Variants in PRUNE2 observed in about 807,000 individuals in gnomAD.
PRUNE2 encodes the protein prune homolog 2 with BCH domain, also known as protein prune homolog 2.
In PRUNE2, 164 loss-of-function variants were observed where a neutral mutation model predicts 252.0. The observed-to-expected ratio is 0.65, with a 90% CI of 0.57 to 0.74. PRUNE2 has a LOEUF of 0.74. Ranked by LOEUF, PRUNE2 falls within the 30% of genes least tolerant of loss-of-function variation. The pLI is 0.00. For missense variants in PRUNE2, 3,495 were observed against 3,711.0 expected (o/e 0.94, Z 1.51); for synonymous variants, 1,292 against 1,350.2 (o/e 0.96, Z 0.94).
In PRUNE2 at chr9:76,706,200, G is replaced by C; in HGVS notation, c.6074C>G (p.Thr2025Ser). The change falls in exon 8 of 19, where the codon ACC becomes AGC. Residue 2025 changes from threonine to serine, a missense_variant. By Grantham distance (58) the Thr-to-Ser change is moderately conservative. Coordinates refer to ENST00000376718, the MANE Select transcript of PRUNE2 (RefSeq NM_015225.3). ...TENFPAVSSP[T>S]QLIMKPGSEW... Reference sequence around the variant, plus strand: ...AGAGCCTGGCTTCATTATCAGTTGGGTGGGAGAACTGACAGCAGGAAAATT... The same window carrying C: ...AGAGCCTGGCTTCATTATCAGTTGGCTGGGAGAACTGACAGCAGGAAAATT... 6.2e-7 allele frequency: 1 copy of C among 1,613,904 alleles called. No individual in the cohort carries two copies. The highest frequency in any genetic ancestry group is 1.3e-5 in the African/African-American group (1 of 75,048).
chr9:76,746,629 C>T lies in PRUNE2; in HGVS notation c.757-32908G>A, dbSNP rs569504161. Among the ~76,000 whole-genome samples the T allele has an allele frequency of 2.6e-4, 36 of 137,834 alleles. No homozygotes were observed. In the South Asian group the frequency reaches 6.9e-3, roughly 26 times the overall value. The allele number at this position is 137,834 out of a possible 152,430, so 90.4% of individuals were successfully genotyped here. A position where few individuals can be genotyped will look rare whatever the true frequency, so the allele number is the denominator to read the frequency against. On this transcript the variant is annotated intron_variant, in intron 6 of 18. Coordinates refer to ENST00000376718, the MANE Select transcript of PRUNE2 (RefSeq NM_015225.3). Reference sequence around the variant, plus strand: ...CTGAGGCAGGAGAATGGCGTGAACCCGGGAAGCGGAGCTTGCAGTGAGCCG... The same window carrying T: ...CTGAGGCAGGAGAATGGCGTGAACCTGGGAAGCGGAGCTTGCAGTGAGCCG...
chr9:76,627,415 A>ATACT (rs1418750264), intron 16 of PRUNE2, among the ~76,000 whole-genome samples: 2 of 152,078 alleles, frequency 1.3e-5, no homozygotes, highest in Non-Finnish European at 2.9e-5. Flanking sequence ...CTCTGCCTCC[A>ATACT]TACTTTTTAA....
chr9:76,641,954 G>C (rs1210828124), intron 12 of PRUNE2: 6 of 1,513,880 alleles, frequency 4.0e-6, no homozygotes, highest in Non-Finnish European at 5.3e-6. Flanking sequence ...TGTCCAGCAA[G>C]ACTTCAGAGA....
chr9:76,713,868 TGGAA>T (rs1588773715), intron 6 of PRUNE2, 147 bp from the exon 7 acceptor site: 1 of 525,940 alleles, frequency 1.9e-6, no homozygotes, highest in South Asian at 3.7e-5. Flanking sequence ...TGAGAAGGAG[TGGAA>T]ACTTTCATGC....
intron 18 of PRUNE2, among the ~76,000 whole-genome samples, chr9:76,618,416 C>A (rs928829532): frequency 1.3e-5 from 2 of 152,206 alleles, no homozygotes; most frequent in Admixed American, 6.5e-5. Context: ...TTCCTGATTG[C>A]TAGGAACAAG....
At chr9:76,617,296 C>T (rs1375951971) in intron 18 of PRUNE2, among the ~76,000 whole-genome samples, 1 of 152,192 alleles carries the variant, frequency 6.6e-6, no homozygotes, top group Non-Finnish European at 1.5e-5. Context: ...GATAACAGCA[C>T]ACACTCCATC....
intron 4 of PRUNE2, among the ~76,000 whole-genome samples, chr9:76,834,720 T>G (rs1440804765): frequency 2.6e-5 from 4 of 152,208 alleles, no homozygotes; most frequent in Non-Finnish European, 4.4e-5. Flanking sequence ...GATAAAAGTA[T>G]GAAAACTAAC....
chr9:76,776,645 G>C (rs1211869855), intron 6 of PRUNE2, among the ~76,000 whole-genome samples: 1 of 149,392 alleles, frequency 6.7e-6, no homozygotes, highest in Non-Finnish European at 1.5e-5. Flanking sequence ...CTCCTAAGTA[G>C]CTAGGATTAC....
chr9:76,786,227 T>C (rs1343951872), intron 6 of PRUNE2: 1 of 129,954 alleles, frequency 7.7e-6, no homozygotes, highest in Non-Finnish European at 1.5e-5. Context: ...TCCCTCTTTG[T>C]GTTCATGGAT....
chr9:76,633,273 G>GT (rs1188768084), intron 15 of PRUNE2, among the ~76,000 whole-genome samples: 1 of 150,870 alleles, frequency 6.6e-6, no homozygotes, highest in Non-Finnish European at 1.5e-5. Flanking sequence ...TTCAATTTCG[G>GT]TTTTCATAAA....
intron 6 of PRUNE2, among the ~76,000 whole-genome samples, chr9:76,720,598 G>GT (rs60404731): frequency 0.21 from 31,382 of 150,044 alleles, 4,017 homozygotes; most frequent in East Asian, 0.57. Context: ...TTCCTTTCCT[G>GT]TTTTTTTATT....
At chr9:76,635,221 C>CT (rs1564393659) in intron 15 of PRUNE2, among the ~76,000 whole-genome samples, 2 of 152,160 alleles carry the variant, frequency 1.3e-5, no homozygotes, top group African/African-American at 4.8e-5. Flanking sequence ...ATCTGCCCGC[C>CT]TTGGCCTCCC....
In PRUNE2 at chr9:76,705,896, T is replaced by A. The variant is rs1437621920; in HGVS notation, c.6378A>T (p.Gly2126=). ...ETEKHLSACM[G]PEVESSELCL... is the part of the protein sequence containing the mutation. ...AAAGCTCACTGGATTCCACTTCAGG[T>A]CCCATGCAAGCACTGAGGTGCTTCT... is the stretch of plus-strand genomic sequence containing the variant. Residue 2126 remains glycine, a synonymous_variant, in exon 8 of 19, where the codon GGA becomes GGT. Transcript: ENST00000376718. 1 of 1,613,898 alleles carries A rather than the reference T, an allele frequency of 6.2e-7. No individual in the cohort carries two copies.
At chr9:76,900,135 T>C (rs553211380) in intron 1 of PRUNE2, among the ~76,000 whole-genome samples, 38 of 152,236 alleles carry the variant, frequency 2.5e-4, no homozygotes, top group African/African-American at 8.9e-4. Context: ...TGAATCACAA[T>C]GCCATTCACT....
intron 6 of PRUNE2, among the ~76,000 whole-genome samples, chr9:76,720,982 T>C (rs563407577): frequency 1.3e-3 from 199 of 152,196 alleles, no homozygotes; most frequent in Middle Eastern, 6.8e-3. Context: ...GCGCGTGTAG[T>C]CCCAGCTACT....
At chr9:76,813,005 A>G (rs1316855732) in intron 6 of PRUNE2, among the ~76,000 whole-genome samples, 1 of 152,208 alleles carries the variant, frequency 6.6e-6, no homozygotes, top group East Asian at 1.9e-4. Context: ...TCGTGCCATT[A>G]TATCTACTGT....
intron 15 of PRUNE2, among the ~76,000 whole-genome samples, chr9:76,631,860 T>C (rs1837787816): frequency 2.6e-5 from 4 of 152,230 alleles, no homozygotes. Context: ...GTCTGGAGTA[T>C]ACTCAATGTT....
chr9:76,771,426 C>A (rs1199098398), intron 6 of PRUNE2, among the ~76,000 whole-genome samples: 1 of 152,158 alleles, frequency 6.6e-6, no homozygotes, highest in Non-Finnish European at 1.5e-5. Flanking sequence ...GCTGGGCACT[C>A]TTCTAGAAGA....
At chr9:76,834,447 T>A (rs1258444468) in intron 4 of PRUNE2, among the ~76,000 whole-genome samples, 1 of 152,162 alleles carries the variant, frequency 6.6e-6, no homozygotes, top group East Asian at 1.9e-4. Flanking sequence ...TAATCACAAT[T>A]AAAAATCAAA....
Sources: gnomAD v4.1 joint callset for allele counts (sites outside exome capture counted in the v4.1 genomes callset) on GRCh38, gnomAD v4.1.1 for gene constraint, MANE v1.5 for transcripts, NCBI Gene and HGNC (gene_info 2026-07-23, HGNC 2026-07-21) for gene names.